Variants in GLYATL2 observed in about 807,000 individuals in gnomAD.
The protein encoded by GLYATL2 is glycine-N-acyltransferase like 2.
Under a neutral mutation model 21.4 loss-of-function variants are expected in GLYATL2, and 25 were observed. That is an observed-to-expected ratio of 1.17 (90% CI 0.85 to 1.63). GLYATL2 has a LOEUF of 1.63. GLYATL2 is among the 40% of genes most tolerant of loss of function. The pLI is 0.00. For missense variants in GLYATL2, 361 were observed against 343.3 expected (o/e 1.05, Z -0.41); for synonymous variants, 114 against 118.2 (o/e 0.96, Z 0.23).
intron 1 of GLYATL2, among the ~76,000 whole-genome samples, chr11:58,885,957 G>A (rs1250949520): frequency 2.0e-5 from 3 of 152,194 alleles, no homozygotes; most frequent in Admixed American, 1.3e-4. Flanking sequence ...TCTTCTACCT[G>A]TAATCCCAGC....
chr11:58,881,883 C>T (rs181757525), intron 1 of GLYATL2, among the ~76,000 whole-genome samples: 1 of 152,254 alleles, frequency 6.6e-6, no homozygotes, highest in Non-Finnish European at 1.5e-5. Flanking sequence ...TGATGGTTTC[C>T]AGCTTCATCA....
intron 1 of GLYATL2, among the ~76,000 whole-genome samples, chr11:58,865,149 C>CAAAA (rs10700735): frequency 4.1e-5 from 6 of 144,582 alleles, no homozygotes; most frequent in Non-Finnish European, 1.5e-5. Flanking sequence ...AGTAGTTCTG[C>CAAAA]AAAAAAAAGG....
chr11:58,900,228 A>C (rs4939242), intron 1 of GLYATL2, among the ~76,000 whole-genome samples: 141,082 of 152,240 alleles, frequency 0.93, 66,311 homozygotes, highest in East Asian at 1. Context: ...TTCGCAGGAC[A>C]TGCATGCATT....
chr11:58,906,201 G>A (rs1041121908), upstream of GLYATL2, among the ~76,000 whole-genome samples: 3 of 152,198 alleles, frequency 2.0e-5, no homozygotes, highest in African/African-American at 7.2e-5. Flanking sequence ...CCAAAACCAA[G>A]GAGGTTTTGG....
intron 1 of GLYATL2, among the ~76,000 whole-genome samples, chr11:58,871,538 G>T (rs1854120971): frequency 6.6e-6 from 1 of 150,596 alleles, no homozygotes; most frequent in East Asian, 2.0e-4. Context: ...GCAGTGTTTG[G>T]TTTTTTGTCC....
chr11:58,877,421 C>T (rs1308415176), intron 1 of GLYATL2, among the ~76,000 whole-genome samples: 1 of 152,174 alleles, frequency 6.6e-6, no homozygotes, highest in Non-Finnish European at 1.5e-5. Flanking sequence ...GGCTCCACTC[C>T]CTCTGGTAGA....
rs939599527 is a variant in GLYATL2 at position 58,858,189 on chromosome 11, GA to G, written n.61-19822del. Among the ~76,000 whole-genome samples the G allele has an allele frequency of 7.9e-5, 12 of 152,136 alleles. No individual in the cohort carries two copies. In the South Asian group the frequency reaches 8.3e-4, roughly 11 times the overall value. Reference sequence around the variant, plus strand: ...CCTCAGTTTAAAGAAGAAAGTGGGGGAAAAAAACTCCACAAAGCTTTAAGTT... The same window carrying G: ...CCTCAGTTTAAAGAAGAAAGTGGGGGAAAAAACTCCACAAAGCTTTAAGTT... On this transcript the variant is annotated intron_variant and non_coding_transcript_variant, in intron 1 of 4. Transcript: ENST00000533636.
chr11:58,846,539 C>A (rs141919829), upstream of GLYATL2, among the ~76,000 whole-genome samples: 1 of 151,516 alleles, frequency 6.6e-6, no homozygotes, highest in East Asian at 1.9e-4. Context: ...AAGAACACAG[C>A]AATTATGAGG....
intron 1 of GLYATL2, among the ~76,000 whole-genome samples, chr11:58,864,002 G>A (rs1462428546): frequency 6.6e-6 from 1 of 152,168 alleles, no homozygotes; most frequent in Non-Finnish European, 1.5e-5. Flanking sequence ...ACCTAGCTAA[G>A]AGATAAGGCT....
chr11:58,850,302 T>A (rs920498997), intron 1 of GLYATL2, among the ~76,000 whole-genome samples: 8 of 152,120 alleles, frequency 5.3e-5, no homozygotes, highest in African/African-American at 1.9e-4. Flanking sequence ...GAAGGGATGT[T>A]GAATCTTATC....
At chr11:58,896,483 G>A (rs981882346) in intron 1 of GLYATL2, among the ~76,000 whole-genome samples, 11 of 152,138 alleles carry the variant, frequency 7.2e-5, no homozygotes, top group African/African-American at 2.2e-4. Context: ...AATTTCCATA[G>A]TGTGAGACAA....
intron 1 of GLYATL2, among the ~76,000 whole-genome samples, chr11:58,852,008 GGATTGATCCACTA>G (rs1316377463): frequency 2.6e-5 from 4 of 152,280 alleles, no homozygotes; most frequent in African/African-American, 9.6e-5. Context: ...CTGAGTTTCT[GGATTGATCCACTA>G]GAAGCATCAA....
intron 5 of GLYATL2, among the ~76,000 whole-genome samples, chr11:58,835,764 G>C (rs1299653699): frequency 1.3e-5 from 2 of 152,158 alleles, no homozygotes; most frequent in African/African-American, 4.8e-5. Flanking sequence ...AGAGTGGCAA[G>C]ATACCAAGAT....
At chr11:58,885,257 C>T (rs1258581950) in intron 1 of GLYATL2, among the ~76,000 whole-genome samples, 2 of 152,126 alleles carry the variant, frequency 1.3e-5, no homozygotes, top group Non-Finnish European at 1.5e-5. Context: ...GTGAGTTCTG[C>T]CTGCTTGCTG....
upstream of GLYATL2, among the ~76,000 whole-genome samples, chr11:58,845,670 G>A (rs1374819994): frequency 6.6e-6 from 1 of 152,106 alleles, no homozygotes. Flanking sequence ...TTTATAGCAT[G>A]AGAAAAGCAA....
intron 1 of GLYATL2, among the ~76,000 whole-genome samples, chr11:58,840,987 A>G (rs1407067032): frequency 6.6e-6 from 1 of 151,960 alleles, no homozygotes; most frequent in South Asian, 2.1e-4. Context: ...AAAGTAGTAT[A>G]TAAATAAGAT....
At chr11:58,869,674 A>G (rs1017875191) in intron 1 of GLYATL2, among the ~76,000 whole-genome samples, 2 of 152,234 alleles carry the variant, frequency 1.3e-5, no homozygotes, top group Non-Finnish European at 2.9e-5. Flanking sequence ...TTAAAAATAA[A>G]AGAGCACTCA....
chr11:58,908,531 G>T, upstream of GLYATL2: 1 of 212,128 alleles, frequency 4.7e-6, no homozygotes, highest in South Asian at 9.4e-5. Context: ...CAGAGGGCTA[G>T]ACCTGAAGTT....
intron 1 of GLYATL2, among the ~76,000 whole-genome samples, chr11:58,863,248 A>G (rs553493461): frequency 8.5e-5 from 13 of 152,286 alleles, no homozygotes; most frequent in South Asian, 2.1e-4. Context: ...TGATGTGGGC[A>G]TTGATCCTGT....
Sources: allele counts gnomAD v4.1 joint callset (sites outside exome capture counted in the v4.1 genomes callset), GRCh38; gene constraint gnomAD v4.1.1; transcripts MANE v1.5; gene names NCBI Gene and HGNC (gene_info 2026-07-23, HGNC 2026-07-21).